Variants in CAPN15 observed in about 807,000 individuals in gnomAD.
CAPN15 encodes calpain 15.
Under a neutral mutation model 97.9 loss-of-function variants are expected in CAPN15, and 53 were observed. The observed-to-expected ratio is 0.54, with a 90% CI of 0.43 to 0.68. The LOEUF is 0.68. Among genes scored for constraint, CAPN15 ranks in the 30% least tolerant of loss-of-function variants. The pLI, the probability that CAPN15 is intolerant of heterozygous loss-of-function variation, is 0.00. For synonymous variants in CAPN15, 922 were observed against 722.5 expected, an observed-to-expected ratio of 1.28 and a Z score of -4.43; for missense variants, 1,592 against 1,589.8, an observed-to-expected ratio of 1.00 and a Z score of -0.02.
Position 548,021 on chromosome 16 carries a change from A to G in CAPN15, c.1183A>G (p.Ser395Gly), listed in dbSNP as rs2034722259. 1 of 1,571,384 alleles carries G rather than the reference A, an allele frequency of 6.4e-7. No individual in the cohort carries two copies. The highest frequency in any genetic ancestry group is 1.4e-5 in the African/African-American group (1 of 73,736). Residue 395 changes from serine (S) to glycine (G), a missense_variant, in exon 4 of 14, where the codon AGC (serine) becomes GGC (glycine). Physicochemically the swap from Ser to Gly is moderately conservative, Grantham distance 56. Coordinates refer to ENST00000219611, the MANE Select transcript of CAPN15 (RefSeq NM_005632.3). ...GADKPSPCGR[S>G]CGRVSSAQKA... ...CGACAAGCCCAGCCCCTGCGGCAGA[A>G]GCTGCGGACGGGTGTCCTCGGCCCA...
In CAPN15 at chr16:551,597, C is replaced by A; in HGVS notation, c.2278C>A (p.Arg760Ser). Residue 760 changes from arginine (R) to serine (S), a missense_variant, in exon 9 of 14, where the codon CGT (arginine) becomes AGT (serine). Physicochemically the swap from Arg to Ser is moderately radical, Grantham distance 110. Coordinates refer to ENST00000219611, the MANE Select transcript of CAPN15 (RefSeq NM_005632.3). ...GTGGCCACACTGGCCGGGGCACCTG[C>A]GTGGCGAGCTCATGCCGCACGGCAG... Reference protein sequence around the residue: ...DEWPHWPGHLRGELMPHGSSE... With the variant: ...DEWPHWPGHLSGELMPHGSSE... The A allele has an allele frequency of 2.5e-6, 4 of 1,609,014 alleles. No individual in the cohort carries two copies. The highest frequency in any genetic ancestry group is 3.4e-6 in the Non-Finnish European group (4 of 1,179,006).
At chr16:529,601 C>G (rs775280959) in intron 1 of CAPN15, among the ~76,000 whole-genome samples, 30 of 152,328 alleles carry the variant, frequency 2.0e-4, no homozygotes, top group Admixed American at 4.6e-4. Context: ...GTTCATGGGC[C>G]TGAGCCGCTC....
At chr16:550,104 C>A (rs1041406445) in intron 7 of CAPN15, among the ~76,000 whole-genome samples, 2 of 131,644 alleles carry the variant, frequency 1.5e-5, no homozygotes, top group Non-Finnish European at 2.9e-5. Context: ...CAGGTGTGAG[C>A]GGCGTGTCGA....
chr16:551,840 G>A, intron 9 of CAPN15, 176 bp downstream of exon 9: 1 of 1,013,044 alleles, frequency 9.9e-7, no homozygotes, highest in Non-Finnish European at 1.5e-6. Context: ...GGTCCACCCA[G>A]GTCAGCAGAT....
At chr16:528,210 C>T (rs1041355801) in intron 1 of CAPN15, among the ~76,000 whole-genome samples, 181 bp downstream of exon 1, 19 of 151,892 alleles carry the variant, frequency 1.3e-4, no homozygotes, top group African/African-American at 4.6e-4. Context: ...GTCAGCCCGC[C>T]GCCCGCTGGC....
intron 9 of CAPN15, 133 bp from the exon 10 acceptor site, chr16:551,918 G>T (rs953066736): frequency 9.1e-6 from 10 of 1,104,840 alleles, no homozygotes; most frequent in South Asian, 1.4e-5. Flanking sequence ...GCCCCCGGGG[G>T]CCGGGCTGCA....
Position 548,068 on chromosome 16 carries a change from C to G in CAPN15, c.1230C>G (p.Pro410=). 6.5e-7 allele frequency: 1 copy of G among 1,542,578 alleles called. No homozygotes were observed. The highest frequency in any genetic ancestry group is 8.7e-7 in the Non-Finnish European group (1 of 1,144,766). Residue 410 remains proline, a synonymous_variant, in exon 4 of 14, where the codon CCC becomes CCG. Coordinates refer to ENST00000219611, the MANE Select transcript of CAPN15 (RefSeq NM_005632.3). The stretch of plus-strand genomic sequence containing the variant: ...CCCAGAAGGCCGCCCGCGTCCTGCC[C>G]GAGCGCCCGGGCCAGTGGGCCTGCC... ...SSAQKAARVL[P]ERPGQWACPA... is the part of the protein sequence containing the mutation.
In CAPN15 at chr16:552,530, G is replaced by T. The variant is rs756213051; in HGVS notation, c.2737G>T (p.Ala913Ser). ...PPLPGTPAPQ[A>S]SSPSAGVPRA... is the part of the protein sequence containing the mutation. ...CCTGCCGGGCACCCCTGCCCCCCAG[G>T]GTACGTGGCCCCTACCCCAGGCTCA... Residue 913 changes from alanine (A) to serine (S), a missense_variant and splice_region_variant, in exon 11 of 14, where the codon GCC becomes TCC. By Grantham distance (99) the Ala-to-Ser change is moderately conservative (BLOSUM62 1). Around this residue, in one of 3 missense-constraint regions of CAPN15, gnomAD observed 644 missense variants for 699.6 expected, o/e 0.92. Transcript: ENST00000219611. The surrounding 1 kb of genome is among the most constrained non-coding windows in gnomAD (Gnocchi z 6.4). The T allele has an allele frequency of 6.3e-7, 1 of 1,597,284 alleles. No homozygotes were observed. Among genetic ancestry groups the T allele is most frequent in the Non-Finnish European group, 8.5e-7 (1 of 1,176,138 alleles).
rs2035111194 is a variant in CAPN15, at chr16:551,910, C to T, written c.2346-141C>T. The T allele has an allele frequency of 1.7e-5, 18 of 1,056,350 alleles. 1 individual carries two copies. Among genetic ancestry groups the T allele is most frequent in the South Asian group, 1.2e-4 (9 of 72,636 alleles). 65.4% of individuals were successfully genotyped at this position (1,056,350 alleles called of 1,614,324 possible). ...CCTATTATAGGCCTCAGGGATGGGC[C>T]CCCGGGGGCCGGGCTGCAAGAGGAC... On this transcript the variant is annotated intron_variant, in intron 9 of 13. Coordinates refer to ENST00000219611, the MANE Select transcript of CAPN15 (RefSeq NM_005632.3).
chr16:553,264 C>T (rs1241839495), intron 13 of CAPN15, 75 bp from the exon 14 acceptor site: 3 of 1,077,986 alleles, frequency 2.8e-6, no homozygotes, highest in East Asian at 2.4e-5. Context: ...TGCTCCTGCC[C>T]CTGTACAGGT....
Position 548,258 on chromosome 16 carries a change from TG to T in CAPN15, c.1423del (p.Glu475ArgfsTer12). The T allele has an allele frequency of 6.5e-7, 1 of 1,537,364 alleles. No individual in the cohort carries two copies. The highest frequency in any genetic ancestry group is 8.7e-7 in the Non-Finnish European group (1 of 1,143,576). On this transcript the variant is annotated frameshift_variant, in exon 4 of 14. Transcript: ENST00000219611. LOFTEE classifies it high-confidence loss of function. ...QTDEGEAKAL[W>X]ENIVAFCREN... ...AGACGAGGGCGAGGCCAAGGCACTC[TG>T]GGAGAACATCGTGGCCTTCTGCCGG...
At chr16:544,533 A>G (rs1379136482) in intron 3 of CAPN15, among the ~76,000 whole-genome samples, 4 of 152,032 alleles carry the variant, frequency 2.6e-5, no homozygotes, top group Non-Finnish European at 5.9e-5. Flanking sequence ...TCTGTCTTGC[A>G]CGCAGCGAGC....
intron 3 of CAPN15, among the ~76,000 whole-genome samples, chr16:544,702 C>T (rs866380522): frequency 2.8e-5 from 4 of 140,406 alleles, no homozygotes; most frequent in South Asian, 2.3e-4. Context: ...GCCTCCCCCA[C>T]GTCGCCTCCC....
chr16:542,924 A>AC (rs2034229796), intron 3 of CAPN15, among the ~76,000 whole-genome samples: 1 of 152,104 alleles, frequency 6.6e-6, no homozygotes, highest in African/African-American at 2.4e-5. Flanking sequence ...GGTGACGGGC[A>AC]CCTATAATCC....
chr16:551,422 C>T lies in CAPN15; in HGVS notation c.2187C>T (p.Gly729=), dbSNP rs150139871. The change falls in exon 8 of 14, where the codon GGC becomes GGT. Residue 729 remains glycine (G), a synonymous_variant. Transcript: ENST00000219611. ...TCCTGGATGTCCGAGATGTCCAGGG[C>T]ACCAGGTAGGGCCGGCCTGGCTGAG... The part of the protein sequence containing the change: ...YSILDVRDVQ[G]TRLLRLRNPW... The T allele has an allele frequency of 5.6e-6, 9 of 1,607,312 alleles. No individual in the cohort carries two copies. Among genetic ancestry groups the T allele is most frequent in the African/African-American group, 1.3e-5 (1 of 74,838 alleles).
rs2033682300 is a variant in CAPN15 at position 535,975 on chromosome 16, A to C, written c.-136-54A>C. On this transcript the variant is annotated intron_variant, in intron 2 of 13. Coordinates refer to ENST00000219611, the MANE Select transcript of CAPN15 (RefSeq NM_005632.3). The surrounding 1 kb of genome is among the most constrained non-coding windows in gnomAD (Gnocchi z 6.2). ...TGCTGTCCCTCGGCCTGGCCTGGGC[A>C]CACTCCTTGGTGACAGTGCCCCTGC... 4 of 471,976 alleles carry C rather than the reference A, an allele frequency of 8.5e-6. No individual in the cohort carries two copies. The highest frequency in any genetic ancestry group is 2.7e-5 in the African/African-American group (1 of 37,602). The allele number at this position is 471,976 out of a possible 1,614,324, so 29.2% of individuals were successfully genotyped here.
At chr16:529,152 C>T (rs1169478316) in intron 1 of CAPN15, among the ~76,000 whole-genome samples, 1 of 151,974 alleles carries the variant, frequency 6.6e-6, no homozygotes, top group Non-Finnish European at 1.5e-5. Context: ...CTTTTTCCTG[C>T]TTCTGTCTGT....
chr16:540,668 G>T (rs1214702326), intron 3 of CAPN15, among the ~76,000 whole-genome samples: 1 of 152,218 alleles, frequency 6.6e-6, no homozygotes, highest in African/African-American at 2.4e-5. Flanking sequence ...TTGGGCTGGG[G>T]TCGCTGGCGG....
At position 553,589 on chromosome 16, in the gene CAPN15, C is replaced by G. The variant is rs571447267; in HGVS notation, c.*73C>G. Reference sequence around the variant, plus strand: ...CACACGCACTTTATGAGGGAGACCCCGACAGAGGACGCTTGAGCCAGAATC... The same window carrying G: ...CACACGCACTTTATGAGGGAGACCCGGACAGAGGACGCTTGAGCCAGAATC... On this transcript the variant is annotated 3_prime_UTR_variant, in exon 14 of 14. Coordinates refer to ENST00000219611, the MANE Select transcript of CAPN15 (RefSeq NM_005632.3). 3 of 930,538 alleles carry G rather than the reference C, an allele frequency of 3.2e-6. No individual in the cohort carries two copies. Among genetic ancestry groups the G allele is most frequent in the Non-Finnish European group, 1.6e-6 (1 of 637,134 alleles). 57.6% of individuals were successfully genotyped at this position (930,538 alleles called of 1,614,324 possible). A position where few individuals can be genotyped will look rare whatever the true frequency, so the allele number is the denominator to read the frequency against.
Sources: gnomAD v4.1 joint callset for allele counts (sites outside exome capture counted in the v4.1 genomes callset) on GRCh38, gnomAD v4.1.1 for gene constraint, gnomAD v4.1.1 regional missense constraint, Gnocchi (gnomAD v3.1) non-coding constraint, MANE v1.5 for transcripts, NCBI Gene and HGNC (gene_info 2026-07-23, HGNC 2026-07-21) for gene names.